The following CNGA3 variants were observed in gnomAD, a reference collection of about 807,000 sequenced individuals.
The protein encoded by CNGA3 is cyclic nucleotide gated channel subunit alpha 3, also known as cyclic nucleotide-gated channel alpha-3.
In CNGA3, 42 loss-of-function variants were observed where a neutral mutation model predicts 46.6. The observed-to-expected ratio is 0.90, with a 90% CI of 0.70 to 1.17. CNGA3 has a LOEUF of 1.17. Among genes scored for constraint, CNGA3 ranks in the 50% most tolerant of loss-of-function variants. The probability of loss-of-function intolerance (pLI) is 0.00; values close to 1 mark genes in which losing one functional copy is unlikely to be tolerated. For missense variants in CNGA3, 893 were observed against 890.7 expected (o/e 1.00, Z -0.03); for synonymous variants, 394 against 369.4 (o/e 1.07, Z -0.76).
intron 1 of CNGA3, among the ~76,000 whole-genome samples, chr2:98,368,214 C>T (rs1692207289): frequency 6.6e-6 from 1 of 152,230 alleles, no homozygotes; most frequent in African/African-American, 2.4e-5. Flanking sequence ...TTGTAACTGG[C>T]AGAGGGTTGG....
At chr2:98,380,436 G>T (rs949701452) in intron 4 of CNGA3, 82 bp downstream of exon 4, 1 of 1,522,680 alleles carries the variant, frequency 6.6e-7, no homozygotes, top group South Asian at 1.2e-5. Context: ...ATCCTGTTTG[G>T]ATGCAGCACA....
intron 2 of CNGA3, among the ~76,000 whole-genome samples, chr2:98,372,956 G>A (rs76634979): frequency 0.01 from 1,546 of 152,248 alleles, 27 homozygotes; most frequent in African/African-American, 0.035. Flanking sequence ...ACAGTATCCC[G>A]TGGAAACACC....
At chr2:98,383,222 A>G (rs1692576128) in intron 4 of CNGA3, among the ~76,000 whole-genome samples, 166 bp from the exon 5 acceptor site, 1 of 152,202 alleles carries the variant, frequency 6.6e-6, no homozygotes, top group Non-Finnish European at 1.5e-5. Context: ...ATCACAAAGC[A>G]TTTTGGCCTT....
rs755706629 is a variant in CNGA3, at chr2:98,396,421, T to C, written c.1251T>C (p.Ile417=). The change falls in exon 8 of 8, where the codon ATT becomes ATC. Residue 417 remains isoleucine, a synonymous_variant. Coordinates refer to ENST00000272602, the MANE Select transcript of CNGA3 (RefSeq NM_001298.3). ...NASRAEFQAK[I]DSIKQYMQFR... ...CACGGGCAGAGTTCCAGGCCAAGAT[T>C]GATTCCATCAAGCAGTACATGCAGT... The C allele has an allele frequency of 6.2e-7, 1 of 1,613,924 alleles. No individual in the cohort carries two copies. Among genetic ancestry groups the C allele is most frequent in the South Asian group, 1.1e-5 (1 of 91,070 alleles).
At chr2:98,388,623 C>T (rs919379324) in intron 5 of CNGA3, among the ~76,000 whole-genome samples, 1 of 152,222 alleles carries the variant, frequency 6.6e-6, no homozygotes, top group Non-Finnish European at 1.5e-5. Flanking sequence ...CTGCAGCCTC[C>T]GGTGGGCAGC....
At chr2:98,387,596 G>GA (rs1692681963) in intron 5 of CNGA3, among the ~76,000 whole-genome samples, 1 of 152,192 alleles carries the variant, frequency 6.6e-6, no homozygotes, top group African/African-American at 2.4e-5. Context: ...TTATGTTGAA[G>GA]AAAAACCTGC....
intron 1 of CNGA3, among the ~76,000 whole-genome samples, chr2:98,353,030 C>T (rs569682332): frequency 1.2e-4 from 19 of 152,284 alleles, no homozygotes; most frequent in African/African-American, 4.6e-4. Context: ...CAAGCCTCAC[C>T]TATAACATAA....
Position 98,356,547 on chromosome 2 carries a change from C to G in CNGA3, c.-38+10013C>G, listed in dbSNP as rs147832560. Among the ~76,000 whole-genome samples, 4 of 152,310 alleles carry G rather than the reference C, an allele frequency of 2.6e-5. No homozygotes were observed. The East Asian group carries it at 7.7e-4, about 29-fold the overall frequency. ...CCAAACCCTGGCTGAATAGAGTCTC[C>G]TCCCCAAGGATGATGATCATTCAGA... On this transcript the variant is annotated intron_variant, in intron 1 of 7. Transcript: ENST00000272602.
At chr2:98,371,687 A>G (rs1332243182) in intron 2 of CNGA3, among the ~76,000 whole-genome samples, 1 of 152,214 alleles carries the variant, frequency 6.6e-6, no homozygotes, top group Non-Finnish European at 1.5e-5. Flanking sequence ...GCGTCGCACC[A>G]CTGGAGACTT....
At chr2:98,386,592 C>T (rs951130805) in intron 5 of CNGA3, among the ~76,000 whole-genome samples, 1 of 152,198 alleles carries the variant, frequency 6.6e-6, no homozygotes. Context: ...AATTACCCAC[C>T]CTCGGGTATG....
At chr2:98,359,915 C>T (rs967504770) in intron 1 of CNGA3, among the ~76,000 whole-genome samples, 3 of 152,230 alleles carry the variant, frequency 2.0e-5, no homozygotes, top group Non-Finnish European at 2.9e-5. Flanking sequence ...TTGGGGCATT[C>T]AGACCATAGC....
chr2:98,385,280 A>G (rs1208616627), intron 5 of CNGA3, among the ~76,000 whole-genome samples: 3 of 152,040 alleles, frequency 2.0e-5, no homozygotes, highest in African/African-American at 7.3e-5. Flanking sequence ...TGACGTTAAG[A>G]CTCCAGTGCC....
intron 2 of CNGA3, among the ~76,000 whole-genome samples, chr2:98,374,402 G>A (rs1224157304): frequency 6.6e-6 from 1 of 152,200 alleles, no homozygotes. Context: ...TCTTAGAATA[G>A]CAGCCCACAC....
chr2:98,372,677 G>T (rs1474820112), intron 2 of CNGA3, among the ~76,000 whole-genome samples: 8 of 152,136 alleles, frequency 5.3e-5, no homozygotes, highest in Admixed American at 2.0e-4. Context: ...CCCTCCTAGG[G>T]TTGTGGTGAG....
chr2:98,389,857 G>C, intron 6 of CNGA3, 83 bp downstream of exon 6: 4 of 1,146,752 alleles, frequency 3.5e-6, no homozygotes, highest in Non-Finnish European at 3.9e-6. Flanking sequence ...CCTCTCCCTC[G>C]GGAGGCCTGA....
At chr2:98,383,529 C>T (rs1692584108) in intron 5 of CNGA3, 88 bp downstream of exon 5, 1 of 1,202,576 alleles carries the variant, frequency 8.3e-7, no homozygotes, top group Non-Finnish European at 1.2e-6. Flanking sequence ...CTCCTTAGTG[C>T]TCCTGCTCCC....
At chr2:98,376,940 G>A (rs1574374925) in intron 2 of CNGA3, among the ~76,000 whole-genome samples, 1 of 152,206 alleles carries the variant, frequency 6.6e-6, no homozygotes, top group Admixed American at 6.5e-5. Flanking sequence ...GTTGTATGGA[G>A]TTACGGGCAC....
intron 5 of CNGA3, 57 bp downstream of exon 5, chr2:98,383,498 A>AG: frequency 6.4e-7 from 1 of 1,571,332 alleles, no homozygotes; most frequent in Non-Finnish European, 8.8e-7. Flanking sequence ...TCCACCCCAT[A>AG]GAAGCCCCAG....
At chr2:98,381,292 G>C (rs1050727819) in intron 4 of CNGA3, among the ~76,000 whole-genome samples, 2 of 152,146 alleles carry the variant, frequency 1.3e-5, no homozygotes, top group African/African-American at 2.4e-5. Flanking sequence ...CCTATTTTCT[G>C]GGGGGTGGGA....
Sources: gnomAD v4.1 joint callset for allele counts (sites outside exome capture counted in the v4.1 genomes callset) on GRCh38, gnomAD v4.1.1 for gene constraint, MANE v1.5 for transcripts, NCBI Gene and HGNC (gene_info 2026-07-23, HGNC 2026-07-21) for gene names.